Variants in HDAC4 observed in about 807,000 individuals in gnomAD.
HDAC4 encodes the protein histone deacetylase 4.
A neutral mutation model predicts 135.1 loss-of-function variants in HDAC4; 16 were observed. That is an observed-to-expected ratio of 0.12 (90% CI 0.08 to 0.18). The LOEUF is 0.18. Ranked by LOEUF, HDAC4 falls within the 10% of genes least tolerant of loss-of-function variation. The pLI is 1.00. For missense variants in HDAC4, 1,143 were observed against 1,511.8 expected, an observed-to-expected ratio of 0.76 and a Z score of 4.05; for synonymous variants, 685 against 653.4, an observed-to-expected ratio of 1.05 and a Z score of -0.74.
rs112504850 is a variant in HDAC4, at chr2:239,061,844, G to C, written c.3003+4878C>G. ...CCACGAATGTCTTCCACGAATCCTGGAGTGGGTTAAATGAGATGGTGGCAT... is the reference window on the plus strand; with the variant it reads ...CCACGAATGTCTTCCACGAATCCTGCAGTGGGTTAAATGAGATGGTGGCAT... On this transcript the variant is annotated intron_variant, in intron 24 of 26. Coordinates refer to ENST00000543185, the MANE Select transcript of HDAC4 (RefSeq NM_001378414.1). 3.0e-3 allele frequency among the ~76,000 whole-genome samples: 455 copies of C among 152,342 alleles called. 2 individuals carry two copies. The highest frequency in any genetic ancestry group is 0.01 in the African/African-American group (433 of 41,566).
intron 8 of HDAC4, among the ~76,000 whole-genome samples, chr2:239,142,760 G>A (rs2041479424): frequency 6.6e-6 from 1 of 150,820 alleles, no homozygotes; most frequent in Non-Finnish European, 1.5e-5. Flanking sequence ...ATGGCTCCTG[G>A]GTGAGCTCAG....
intron 18 of HDAC4, among the ~76,000 whole-genome samples, chr2:239,088,624 CGT>C (rs143757054): frequency 8.6e-5 from 13 of 151,646 alleles, no homozygotes; most frequent in Admixed American, 2.6e-4. Flanking sequence ...AGCACCAGGG[CGT>C]GTGTGTGTGT....
chr2:239,112,002 A>G (rs1004197543), intron 13 of HDAC4, among the ~76,000 whole-genome samples: 16 of 152,184 alleles, frequency 1.1e-4, no homozygotes, highest in Admixed American at 6.5e-5. Flanking sequence ...CGTTAACAGG[A>G]TAACACAGGT....
chr2:239,366,787 A>AATAAGTGATCAGCCCCCAGGC (rs1559387516), intron 1 of HDAC4, among the ~76,000 whole-genome samples: 2 of 149,728 alleles, frequency 1.3e-5, no homozygotes, highest in African/African-American at 2.6e-5. Flanking sequence ...GATGGCTGCA[A>AATAAGTGATCAGCCCCCAGGC]CCCCACGAAG....
intron 1 of HDAC4, among the ~76,000 whole-genome samples, chr2:239,368,195 G>A (rs1390183049): frequency 1.3e-5 from 2 of 152,096 alleles, no homozygotes; most frequent in Non-Finnish European, 2.9e-5. Context: ...GGAGTGTGAA[G>A]GGCTCCGGAG....
intron 1 of HDAC4, among the ~76,000 whole-genome samples, chr2:239,369,512 T>C (rs1469375182): frequency 6.6e-6 from 1 of 152,230 alleles, no homozygotes; most frequent in Non-Finnish European, 1.5e-5. Flanking sequence ...AGTTTATTTA[T>C]TGTTGCAATT....
chr2:239,071,572 T>A (rs1303934124), intron 22 of HDAC4, among the ~76,000 whole-genome samples: 3 of 152,138 alleles, frequency 2.0e-5, no homozygotes, highest in Non-Finnish European at 4.4e-5. Context: ...AAACCTGCTG[T>A]CATGACCTTT....
chr2:239,107,546 G>A (rs1210136065), intron 15 of HDAC4, among the ~76,000 whole-genome samples: 1 of 152,328 alleles, frequency 6.6e-6, no homozygotes, highest in South Asian at 2.1e-4. Context: ...TCTGAGGAGG[G>A]CCCCAAGGGC....
At chr2:239,246,356 G>A (rs1045295385) in intron 2 of HDAC4, among the ~76,000 whole-genome samples, 58 of 152,334 alleles carry the variant, frequency 3.8e-4, no homozygotes, top group African/African-American at 1.3e-3. Flanking sequence ...CCCAGGAGGC[G>A]TGGCAGCCGG....
chr2:239,071,856 C>T (rs760567157), intron 22 of HDAC4, among the ~76,000 whole-genome samples: 14 of 152,110 alleles, frequency 9.2e-5, no homozygotes, highest in Admixed American at 2.6e-4. Context: ...TAAGCTGAGC[C>T]GGTTGAGACG....
chr2:239,291,962 C>G (rs528893806), intron 2 of HDAC4, among the ~76,000 whole-genome samples: 8 of 152,236 alleles, frequency 5.3e-5, no homozygotes, highest in African/African-American at 1.9e-4. Context: ...ACTGATGGGG[C>G]AGGATGCTGG....
At chr2:239,118,001 C>T (rs866215929) in intron 12 of HDAC4, among the ~76,000 whole-genome samples, 4 of 152,198 alleles carry the variant, frequency 2.6e-5, no homozygotes, top group Admixed American at 2.6e-4. Context: ...GCAGCCTGAA[C>T]TACGGGGCAC....
intron 22 of HDAC4, among the ~76,000 whole-genome samples, chr2:239,071,186 G>A (rs1378058389): frequency 1.3e-5 from 2 of 152,126 alleles, no homozygotes; most frequent in Non-Finnish European, 1.5e-5. Flanking sequence ...GGGAGGCTGA[G>A]GTGGGCAGAT....
At chr2:239,374,464 C>T (rs1299855816) in intron 1 of HDAC4, among the ~76,000 whole-genome samples, 2 of 121,774 alleles carry the variant, frequency 1.6e-5, no homozygotes, top group African/African-American at 3.2e-5. Context: ...AGTGCAGTGG[C>T]GGGATCTCGG....
chr2:239,103,541 T>C (rs1051175118), intron 15 of HDAC4, among the ~76,000 whole-genome samples: 2 of 152,242 alleles, frequency 1.3e-5, no homozygotes, highest in South Asian at 2.1e-4. Context: ...GGACATGAGA[T>C]TCGAGTTAAC....
At chr2:239,084,455 G>A (rs1270121999) in intron 19 of HDAC4, among the ~76,000 whole-genome samples, 3 of 126,374 alleles carry the variant, frequency 2.4e-5, no homozygotes, top group East Asian at 2.4e-4. Context: ...ACACTCACAC[G>A]CGTGCGCGCG....
chr2:239,277,425 TG>T (rs998520769), intron 2 of HDAC4, among the ~76,000 whole-genome samples: 1 of 152,154 alleles, frequency 6.6e-6, no homozygotes, highest in African/African-American at 2.4e-5. Flanking sequence ...GGACAGGCCC[TG>T]GGCCACCACC....
At chr2:239,205,016 G>A (rs747886634) in intron 3 of HDAC4, among the ~76,000 whole-genome samples, 3 of 152,070 alleles carry the variant, frequency 2.0e-5, no homozygotes, top group Admixed American at 6.6e-5. Flanking sequence ...ACCTTCCCCC[G>A]TCCCCGAGCC....
chr2:239,249,791 CAAG>C lies in HDAC4; in HGVS notation c.23-13130_23-13128del, dbSNP rs1020768931. The stretch of plus-strand genomic sequence containing the variant: ...TGAGCTATTAAAGAAAAAAAAAAAA[CAAG>C]GAGCTGAATATTAAGTGACACACAC... On this transcript the variant is annotated intron_variant, in intron 2 of 26. Coordinates refer to ENST00000543185, the MANE Select transcript of HDAC4 (RefSeq NM_001378414.1). Among the ~76,000 whole-genome samples, 3 of 141,088 alleles carry C rather than the reference CAAG, an allele frequency of 2.1e-5. No homozygotes were observed. In the East Asian group the frequency reaches 6.2e-4, roughly 29 times the overall value. The allele number at this position is 141,088 out of a possible 152,430, so 92.6% of individuals were successfully genotyped here. A position where few individuals can be genotyped will look rare whatever the true frequency, so the allele number is the denominator to read the frequency against.
Sources: gnomAD v4.1 joint callset for allele counts (sites outside exome capture counted in the v4.1 genomes callset) on GRCh38, gnomAD v4.1.1 for gene constraint, MANE v1.5 for transcripts, NCBI Gene and HGNC (gene_info 2026-07-23, HGNC 2026-07-21) for gene names.